The following PHKB variants were observed in gnomAD, a reference collection of about 807,000 sequenced individuals.
PHKB encodes the protein phosphorylase b kinase regulatory subunit beta.
PHKB carries 122 observed loss-of-function variants against 152.1 expected under a neutral mutation model. That is an observed-to-expected ratio of 0.80 (90% confidence interval 0.69 to 0.93). The LOEUF is 0.93. Among genes scored for constraint, PHKB ranks in the 40% least tolerant of loss-of-function variants. The pLI, the probability that PHKB is intolerant of heterozygous loss-of-function variation, is 0.00. For missense variants in PHKB, 1,304 were observed against 1,328.4 expected (o/e 0.98, Z 0.29); for synonymous variants, 436 against 464.9 (o/e 0.94, Z 0.80).
At chr16:47,563,561 G>A (rs1019880833) in intron 7 of PHKB, among the ~76,000 whole-genome samples, 2 of 152,148 alleles carry the variant, frequency 1.3e-5, no homozygotes, top group Non-Finnish European at 2.9e-5. Context: ...GTAAAAAGAT[G>A]TGCTGTCATT....
Position 47,696,444 on chromosome 16 carries a change from T to C in PHKB, c.2959T>C (p.Leu987=), listed in dbSNP as rs370623353. ...MNFSLLVEDT[L]GNIDQPQYRQ... is the part of the protein sequence containing the mutation. ...TTTCTCTCTCCTTGTTGAAGACACGTTGGGAAATATTGACCAGCCACAGTA... is the reference window on the plus strand; with the variant it reads ...TTTCTCTCTCCTTGTTGAAGACACGCTGGGAAATATTGACCAGCCACAGTA... Residue 987 remains leucine, a synonymous_variant, in exon 29 of 31, where the codon TTG becomes CTG. Coordinates refer to ENST00000323584, the MANE Select transcript of PHKB (RefSeq NM_000293.3). 5.6e-6 allele frequency: 9 copies of C among 1,609,164 alleles called. No homozygotes were observed. The highest frequency in any genetic ancestry group is 1.1e-5 in the South Asian group (1 of 90,990).
intron 7 of PHKB, among the ~76,000 whole-genome samples, chr16:47,571,764 G>A (rs950411712): frequency 1.3e-5 from 2 of 152,194 alleles, no homozygotes; most frequent in South Asian, 4.1e-4. Context: ...TCCACTGCTA[G>A]AGTAGAACCT....
intron 13 of PHKB, chr16:47,598,701 C>A (rs922130229): frequency 6.4e-7 from 1 of 1,564,450 alleles, no homozygotes; most frequent in South Asian, 1.1e-5. Flanking sequence ...CCACTAATGG[C>A]GCCCATGGTT....
chr16:47,592,322 T>A (rs1346259488), intron 10 of PHKB, among the ~76,000 whole-genome samples: 1 of 152,248 alleles, frequency 6.6e-6, no homozygotes, highest in Non-Finnish European at 1.5e-5. Context: ...GACCAAAGTC[T>A]TAGCTACTTA....
At chr16:47,541,243 G>A (rs1186358922) in intron 6 of PHKB, among the ~76,000 whole-genome samples, 2 of 152,052 alleles carry the variant, frequency 1.3e-5, no homozygotes, top group Non-Finnish European at 2.9e-5. Flanking sequence ...GAGAACATGT[G>A]GTGTTTGGTT....
At chr16:47,662,438 T>A (rs1340168642) in intron 23 of PHKB, among the ~76,000 whole-genome samples, 1 of 152,228 alleles carries the variant, frequency 6.6e-6, no homozygotes, top group African/African-American at 2.4e-5. Context: ...GTACTTAATG[T>A]CTAGCTATTC....
intron 14 of PHKB, among the ~76,000 whole-genome samples, chr16:47,611,543 C>A (rs1466870398): frequency 1.3e-5 from 2 of 152,042 alleles, no homozygotes; most frequent in South Asian, 2.1e-4. Flanking sequence ...AATGAACCTG[C>A]ATGTGTGCCT....
At chr16:47,604,259 C>T (rs1027888335) in intron 13 of PHKB, among the ~76,000 whole-genome samples, 2 of 151,938 alleles carry the variant, frequency 1.3e-5, no homozygotes, top group African/African-American at 4.8e-5. Flanking sequence ...TGATATTTTC[C>T]TAGTTTGTTT....
intron 30 of PHKB, chr16:47,699,008 CTAAG>C: frequency 1.7e-6 from 1 of 572,850 alleles, no homozygotes; most frequent in Non-Finnish European, 3.1e-6. Context: ...AAGAGGTTCT[CTAAG>C]TAAATAAAAA....
chr16:47,574,894 C>T (rs1971724063), intron 7 of PHKB, among the ~76,000 whole-genome samples: 2 of 152,322 alleles, frequency 1.3e-5, no homozygotes, highest in African/African-American at 2.4e-5. Flanking sequence ...TTCATTTCTA[C>T]CTTTCTCAGC....
chr16:47,498,884 T>C (rs1970276769), intron 2 of PHKB, among the ~76,000 whole-genome samples: 1 of 152,158 alleles, frequency 6.6e-6, no homozygotes, highest in Non-Finnish European at 1.5e-5. Flanking sequence ...GCCTGGGTTA[T>C]AGAGTGAGAC....
intron 7 of PHKB, among the ~76,000 whole-genome samples, chr16:47,571,351 A>G (rs1597094064): frequency 6.6e-6 from 1 of 152,126 alleles, no homozygotes; most frequent in African/African-American, 2.4e-5. Flanking sequence ...AAAAGTCTCA[A>G]CCTTGACAGA....
intron 6 of PHKB, among the ~76,000 whole-genome samples, chr16:47,523,589 G>A (rs1475806154): frequency 6.6e-6 from 1 of 152,158 alleles, no homozygotes; most frequent in African/African-American, 2.4e-5. Context: ...CAGAGGTGTG[G>A]GAGTATTAGC....
chr16:47,631,363 A>G (rs937614112), intron 14 of PHKB, among the ~76,000 whole-genome samples: 1 of 152,222 alleles, frequency 6.6e-6, no homozygotes, highest in Admixed American at 6.5e-5. Context: ...TTCTTGTGAG[A>G]ATACTCAAAA....
intron 6 of PHKB, among the ~76,000 whole-genome samples, chr16:47,518,448 G>A (rs1970633456): frequency 6.6e-6 from 1 of 152,124 alleles, no homozygotes; most frequent in Non-Finnish European, 1.5e-5. Flanking sequence ...GGTCTTAAGG[G>A]TCATGTGCAC....
At chr16:47,674,356 T>C (rs537494498) in intron 26 of PHKB, among the ~76,000 whole-genome samples, 4 of 152,216 alleles carry the variant, frequency 2.6e-5, no homozygotes, top group Non-Finnish European at 4.4e-5. Context: ...TATATTGTGT[T>C]GGTGCAAAAG....
chr16:47,539,752 C>T (rs975564938), intron 6 of PHKB, among the ~76,000 whole-genome samples: 1 of 152,182 alleles, frequency 6.6e-6, no homozygotes, highest in Non-Finnish European at 1.5e-5. Flanking sequence ...TTTATCACTT[C>T]CCAAATAATA....
At chr16:47,572,776 A>C (rs912921879) in intron 7 of PHKB, among the ~76,000 whole-genome samples, 3 of 152,228 alleles carry the variant, frequency 2.0e-5, no homozygotes, top group African/African-American at 7.2e-5. Context: ...TGGGTACATG[A>C]ACAGGCCCAA....
At chr16:47,671,008 C>A (rs1375003231) in intron 26 of PHKB, among the ~76,000 whole-genome samples, 1 of 152,124 alleles carries the variant, frequency 6.6e-6, no homozygotes, top group Non-Finnish European at 1.5e-5. Flanking sequence ...CCCCCATCTA[C>A]TACCCACCTG....
Sources: gnomAD v4.1 joint callset for allele counts (sites outside exome capture counted in the v4.1 genomes callset) on GRCh38, gnomAD v4.1.1 for gene constraint, MANE v1.5 for transcripts, NCBI Gene and HGNC (gene_info 2026-07-23, HGNC 2026-07-21) for gene names.